Variants in PEMT observed in about 807,000 individuals in gnomAD.
PEMT encodes the protein phospholipid methyltransferase.
PEMT carries 23 observed loss-of-function variants against 27.4 expected under a neutral mutation model. The observed-to-expected ratio is 0.84, with a 90% confidence interval of 0.60 to 1.19. PEMT has a LOEUF of 1.19. Ranked by LOEUF, PEMT falls within the 50% of genes most tolerant of loss-of-function variation. The pLI, the probability that PEMT is intolerant of heterozygous loss-of-function variation, is 0.00. For missense variants in PEMT, 307 were observed against 310.1 expected, an observed-to-expected ratio of 0.99 and a Z score of 0.07; for synonymous variants, 137 against 139.1, an observed-to-expected ratio of 0.98 and a Z score of 0.11.
intron 2 of PEMT, among the ~76,000 whole-genome samples, chr17:17,570,112 C>T (rs1911086963): frequency 6.6e-6 from 1 of 152,248 alleles, no homozygotes; most frequent in Admixed American, 6.5e-5. Context: ...ACTGCCTGGA[C>T]ATCCATTTCT....
intron 2 of PEMT, among the ~76,000 whole-genome samples, chr17:17,551,655 G>A (rs1909663011): frequency 6.6e-6 from 1 of 152,226 alleles, no homozygotes. Context: ...CAGGCACCAG[G>A]CACCATAAGC....
At chr17:17,549,661 A>C (rs1438833506) in intron 2 of PEMT, among the ~76,000 whole-genome samples, 1 of 152,210 alleles carries the variant, frequency 6.6e-6, no homozygotes, top group Non-Finnish European at 1.5e-5. Flanking sequence ...ATTTTCAGGA[A>C]AGTTGCAAAA....
At chr17:17,573,886 AT>A (rs1201685366) in intron 2 of PEMT, among the ~76,000 whole-genome samples, 2 of 152,094 alleles carry the variant, frequency 1.3e-5, no homozygotes, top group Non-Finnish European at 2.9e-5. Flanking sequence ...GGTTCAAGTG[AT>A]TCTCCTACCT....
rs1394090617 is a variant in PEMT, at chr17:17,591,666, C to G, written c.-40G>C. 1 of 1,587,918 alleles carries G rather than the reference C, an allele frequency of 6.3e-7. No individual in the cohort carries two copies. The highest frequency in any genetic ancestry group is 8.6e-7 in the Non-Finnish European group (1 of 1,167,652). On this transcript the variant is annotated 5_prime_UTR_variant, in exon 1 of 7. Coordinates refer to ENST00000255389, the MANE Select transcript of PEMT (RefSeq NM_148172.3). ...AGGAGGCACCACGCGGGCCCCGCTG[C>G]AGCCACGCGCCCCCGGAACCGGACC... is the stretch of plus-strand genomic sequence containing the variant.
At chr17:17,510,700 C>T (rs1326218955) in intron 4 of PEMT, among the ~76,000 whole-genome samples, 1 of 152,220 alleles carries the variant, frequency 6.6e-6, no homozygotes, top group Non-Finnish European at 1.5e-5. Flanking sequence ...GCTGGCAGGG[C>T]CGCCAGGAGG....
chr17:17,591,385 C>G (rs1912579152), intron 1 of PEMT, 146 bp downstream of exon 1: 1 of 691,458 alleles, frequency 1.4e-6, no homozygotes, highest in Non-Finnish European at 2.4e-6. Context: ...CCGCACGCGG[C>G]TCCCCCACCC....
intron 2 of PEMT, among the ~76,000 whole-genome samples, chr17:17,572,133 C>T (rs1024195502): frequency 1.3e-5 from 2 of 152,230 alleles, no homozygotes; most frequent in Non-Finnish European, 2.9e-5. Flanking sequence ...CACTCAGGCC[C>T]AACCATGGGC....
rs1907402676 is a variant in PEMT at position 17,523,054 on chromosome 17, G to C, written c.205-659C>G. On this transcript the variant is annotated intron_variant, in intron 2 of 6. Transcript: ENST00000255389. The surrounding 1 kb of genome is among the most constrained non-coding windows in gnomAD (Gnocchi z 4.8). ...TCAACATCTGGCCACCAACGGTGGA[G>C]AGAAGGGAGCTCTTCCTGCCTGCCT... Among the ~76,000 whole-genome samples, 1 of 152,176 alleles carries C rather than the reference G, an allele frequency of 6.6e-6. No homozygotes were observed. The highest frequency in any genetic ancestry group is 2.4e-5 in the African/African-American group (1 of 41,444).
chr17:17,565,589 GGGCAACT>G (rs1567732229), intron 2 of PEMT, among the ~76,000 whole-genome samples: 7 of 152,244 alleles, frequency 4.6e-5, no homozygotes, highest in Non-Finnish European at 1.0e-4. Context: ...GCTGCCTCTA[GGGCAACT>G]GATGAACCCT....
intron 2 of PEMT, among the ~76,000 whole-genome samples, chr17:17,546,178 T>G (rs28699593): frequency 1.7e-3 from 254 of 152,280 alleles, no homozygotes; most frequent in African/African-American, 5.9e-3. Flanking sequence ...TGGCCTGGGC[T>G]AGAAGGCGGT....
At chr17:17,520,683 C>G (rs1907198223) in intron 3 of PEMT, among the ~76,000 whole-genome samples, 1 of 152,234 alleles carries the variant, frequency 6.6e-6, no homozygotes, top group Non-Finnish European at 1.5e-5. Flanking sequence ...CTCTTCACAT[C>G]ATTCAACCCA....
intron 2 of PEMT, among the ~76,000 whole-genome samples, chr17:17,556,152 T>C (rs1465888504): frequency 1.3e-5 from 2 of 152,182 alleles, no homozygotes; most frequent in Non-Finnish European, 2.9e-5. Flanking sequence ...CCCCAGACCA[T>C]GAGCTCCAGA....
intron 2 of PEMT, among the ~76,000 whole-genome samples, chr17:17,568,289 C>T (rs1054661810): frequency 6.6e-6 from 1 of 152,256 alleles, no homozygotes. Flanking sequence ...CTCCTCCAGC[C>T]CCCACGACCC....
chr17:17,580,575 C>G (rs1483343746), intron 1 of PEMT, among the ~76,000 whole-genome samples: 2 of 152,172 alleles, frequency 1.3e-5, no homozygotes, highest in Admixed American at 1.3e-4. Context: ...AGGGAAGAGT[C>G]GTGGCTTTGG....
chr17:17,555,523 G>C (rs559464268), intron 2 of PEMT, among the ~76,000 whole-genome samples: 5 of 152,226 alleles, frequency 3.3e-5, no homozygotes, highest in Non-Finnish European at 7.3e-5. Context: ...GAGGGTGGGG[G>C]TGCCATGTCC....
In PEMT at chr17:17,584,074, G is replaced by A. The variant is rs1042917865; in HGVS notation, c.97-7047C>T. On this transcript the variant is annotated intron_variant, in intron 1 of 6. Coordinates refer to ENST00000255389, the MANE Select transcript of PEMT (RefSeq NM_148172.3). ...TGGGTGTGGGGCCCACGGGTAAGAC[G>A]GTGCTTCTCAAGGCCCTGCTCGCCT... 1.2e-4 allele frequency among the ~76,000 whole-genome samples: 18 copies of A among 152,292 alleles called. 1 individual carries two copies. Among genetic ancestry groups the A allele is most frequent in the African/African-American group, 4.1e-4 (17 of 41,554 alleles).
At chr17:17,555,905 G>A (rs1381974402) in intron 2 of PEMT, among the ~76,000 whole-genome samples, 1 of 152,170 alleles carries the variant, frequency 6.6e-6, no homozygotes. Context: ...TCTCCTCCAG[G>A]TCTCCCTCTG....
intron 2 of PEMT, among the ~76,000 whole-genome samples, chr17:17,553,186 C>T (rs1267129771): frequency 1.3e-5 from 2 of 152,194 alleles, no homozygotes; most frequent in Non-Finnish European, 2.9e-5. Flanking sequence ...TCTATTCAGG[C>T]CCCAAAGTTT....
chr17:17,581,856 G>A (rs1416804734), intron 1 of PEMT, among the ~76,000 whole-genome samples: 5 of 152,146 alleles, frequency 3.3e-5, no homozygotes, highest in Admixed American at 6.5e-5. Flanking sequence ...GGTTCAGAGT[G>A]GAATTCTAGG....
Sources: gnomAD v4.1 joint callset for allele counts (sites outside exome capture counted in the v4.1 genomes callset) on GRCh38, gnomAD v4.1.1 for gene constraint, Gnocchi (gnomAD v3.1) non-coding constraint, MANE v1.5 for transcripts, NCBI Gene and HGNC (gene_info 2026-07-23, HGNC 2026-07-21) for gene names.